The following KCND2 variants were observed in gnomAD, a reference collection of about 807,000 sequenced individuals.
KCND2 encodes potassium voltage-gated channel subfamily D member 2.
KCND2 carries 16 observed loss-of-function variants against 54.4 expected under a neutral mutation model. The observed-to-expected ratio is 0.29, with a 90% CI of 0.20 to 0.45. KCND2 has a LOEUF of 0.45. Among genes scored for constraint, KCND2 ranks in the 20% least tolerant of loss-of-function variants. The pLI, the probability that KCND2 is intolerant of heterozygous loss-of-function variation, is 1.00. For missense variants in KCND2, 486 were observed against 824.2 expected, an observed-to-expected ratio of 0.59 and a Z score of 5.02; for synonymous variants, 317 against 310.7, an observed-to-expected ratio of 1.02 and a Z score of -0.21.
intron 1 of KCND2, among the ~76,000 whole-genome samples, chr7:120,322,053 T>C (rs1435349565): frequency 6.6e-6 from 1 of 152,024 alleles, no homozygotes; most frequent in Non-Finnish European, 1.5e-5. Context: ...TAATGATTCA[T>C]AGGCATTAAA....
At chr7:120,353,754 C>T (rs1288967307) in intron 1 of KCND2, among the ~76,000 whole-genome samples, 1 of 152,136 alleles carries the variant, frequency 6.6e-6, no homozygotes, top group African/African-American at 2.4e-5. Context: ...TAATGTTAAA[C>T]TATTTAAATA....
chr7:120,523,179 CT>C (rs1791720881), intron 1 of KCND2, among the ~76,000 whole-genome samples: 1 of 152,094 alleles, frequency 6.6e-6, no homozygotes, highest in Non-Finnish European at 1.5e-5. Context: ...GTTGTTTCCG[CT>C]ATCCATGTTT....
chr7:120,702,802 G>A (rs2116037338), intron 1 of KCND2, among the ~76,000 whole-genome samples: 1 of 152,134 alleles, frequency 6.6e-6, no homozygotes, highest in East Asian at 1.9e-4. Flanking sequence ...GTGGGAGGAG[G>A]GAGAAGATCA....
intron 1 of KCND2, among the ~76,000 whole-genome samples, chr7:120,594,485 A>G (rs1265597184): frequency 6.6e-6 from 1 of 152,224 alleles, no homozygotes; most frequent in Non-Finnish European, 1.5e-5. Flanking sequence ...CTCACATGGT[A>G]GGGAATGGAC....
rs3834346 is a variant in KCND2 at position 120,740,907 on chromosome 7, A to ATTTG, written c.1279-603_1279-600dup. 1.7e-3 allele frequency: 759 copies of ATTTG among 453,510 alleles called. 1 individual carries two copies. The highest frequency in any genetic ancestry group is 3.9e-3 in the Middle Eastern group (12 of 3,066). 28.1% of individuals were successfully genotyped at this position (453,510 alleles called of 1,614,324 possible). A position where few individuals can be genotyped will look rare whatever the true frequency, so the allele number is the denominator to read the frequency against. On this transcript the variant is annotated intron_variant, in intron 2 of 5. Transcript: ENST00000331113. ...GATAAATTCACAGTTGTTTTTGTTT[A>ATTTG]TTTGTTTGTTTGTTTGTTTGTTTGT...
intron 1 of KCND2, among the ~76,000 whole-genome samples, chr7:120,335,355 C>T (rs376080072): frequency 1.7e-5 from 1 of 58,380 alleles, no homozygotes; most frequent in Admixed American, 2.3e-4. Flanking sequence ...AAGACTCTAT[C>T]AAAAAAAAAA....
chr7:120,626,909 T>G (rs1263912225), intron 1 of KCND2, among the ~76,000 whole-genome samples: 1 of 152,228 alleles, frequency 6.6e-6, no homozygotes, highest in African/African-American at 2.4e-5. Context: ...AAAGAAATCC[T>G]CGGGCCTGTT....
At chr7:120,383,435 C>T (rs1463993573) in intron 1 of KCND2, among the ~76,000 whole-genome samples, 2 of 151,480 alleles carry the variant, frequency 1.3e-5, no homozygotes, top group South Asian at 2.1e-4. Context: ...TCTTCTTTTT[C>T]GTTAGAAAAT....
intron 1 of KCND2, among the ~76,000 whole-genome samples, chr7:120,432,350 A>G (rs938815342): frequency 6.6e-6 from 1 of 152,194 alleles, no homozygotes; most frequent in African/African-American, 2.4e-5. Context: ...TGACACAGAC[A>G]CTTCATTGCT....
chr7:120,600,479 A>G (rs1792800305), intron 1 of KCND2, among the ~76,000 whole-genome samples: 1 of 152,052 alleles, frequency 6.6e-6, no homozygotes, highest in African/African-American at 2.4e-5. Flanking sequence ...TGGACAGAGT[A>G]TTAGATATTT....
chr7:120,353,061 A>G (rs1423419091), intron 1 of KCND2, among the ~76,000 whole-genome samples: 2 of 151,946 alleles, frequency 1.3e-5, no homozygotes, highest in African/African-American at 4.8e-5. Flanking sequence ...AACCCTATAC[A>G]AATTCATTTA....
chr7:120,385,261 G>A (rs942132992), intron 1 of KCND2, among the ~76,000 whole-genome samples: 2 of 151,624 alleles, frequency 1.3e-5, no homozygotes, highest in African/African-American at 4.8e-5. Context: ...TCAAAGTGCT[G>A]GGATTACAGA....
intron 1 of KCND2, among the ~76,000 whole-genome samples, chr7:120,374,667 A>T (rs1161052534): frequency 6.6e-6 from 1 of 151,828 alleles, no homozygotes; most frequent in East Asian, 1.9e-4. Context: ...GGGCAATTCA[A>T]GTCCTTCTTC....
At position 120,634,165 on chromosome 7, in the gene KCND2, G is replaced by A. The variant is rs1301220879; in HGVS notation, c.1116-98738G>A. Among the ~76,000 whole-genome samples, 4 of 152,154 alleles carry A rather than the reference G, an allele frequency of 2.6e-5. No individual in the cohort carries two copies. In the East Asian group the frequency reaches 7.7e-4, roughly 29 times the overall value. ...ATATTCTAGGCTCACATTTCAACCC[G>A]AGGCAAGAAACTTGCTTCAACTCTT... On this transcript the variant is annotated intron_variant, in intron 1 of 5. Coordinates refer to ENST00000331113, the MANE Select transcript of KCND2 (RefSeq NM_012281.3).
intron 1 of KCND2, among the ~76,000 whole-genome samples, chr7:120,641,807 T>G (rs1793379623): frequency 1.4e-5 from 2 of 143,558 alleles, no homozygotes; most frequent in South Asian, 2.2e-4. Context: ...TATAAAAAAT[T>G]TCCTAGAAAG....
At chr7:120,421,566 C>CT (rs1199806889) in intron 1 of KCND2, among the ~76,000 whole-genome samples, 1 of 152,204 alleles carries the variant, frequency 6.6e-6, no homozygotes, top group Non-Finnish European at 1.5e-5. Flanking sequence ...ATCACACTCT[C>CT]TGTGATGACA....
intron 1 of KCND2, among the ~76,000 whole-genome samples, chr7:120,417,686 C>A (rs955900355): frequency 1.3e-5 from 2 of 152,152 alleles, no homozygotes; most frequent in African/African-American, 4.8e-5. Context: ...AGAAAGCAAT[C>A]TGGTTTTCTG....
intron 1 of KCND2, among the ~76,000 whole-genome samples, chr7:120,630,005 G>A (rs1011835363): frequency 6.6e-6 from 1 of 152,108 alleles, no homozygotes; most frequent in Non-Finnish European, 1.5e-5. Context: ...TTATTAACCG[G>A]GGAGTCAATG....
intron 1 of KCND2, among the ~76,000 whole-genome samples, chr7:120,615,249 A>G (rs1793009180): frequency 6.6e-6 from 1 of 152,160 alleles, no homozygotes; most frequent in Admixed American, 6.6e-5. Flanking sequence ...TAGTTACCAG[A>G]ATGATCAGTT....
Sources: gnomAD v4.1 joint callset for allele counts (sites outside exome capture counted in the v4.1 genomes callset) on GRCh38, gnomAD v4.1.1 for gene constraint, MANE v1.5 for transcripts, NCBI Gene and HGNC (gene_info 2026-07-23, HGNC 2026-07-21) for gene names.